Variants in ZFPM2 observed in about 807,000 individuals in gnomAD.
ZFPM2 encodes zinc finger protein ZFPM2.
Under a neutral mutation model 98.6 loss-of-function variants are expected in ZFPM2, and 20 were observed. That is an observed-to-expected ratio of 0.20 (90% confidence interval 0.14 to 0.29). ZFPM2 has a LOEUF of 0.29. Ranked by LOEUF, ZFPM2 falls within the 10% of genes least tolerant of loss-of-function variation. The pLI, the probability that ZFPM2 is intolerant of heterozygous loss-of-function variation, is 1.00. For missense variants in ZFPM2, 1,310 were observed against 1,388.6 expected (o/e 0.94, Z 0.90); for synonymous variants, 518 against 502.7 (o/e 1.03, Z -0.41).
chr8:105,785,655 G>A (rs1018053486), intron 5 of ZFPM2, among the ~76,000 whole-genome samples: 2 of 151,792 alleles, frequency 1.3e-5, no homozygotes, highest in African/African-American at 2.4e-5. Flanking sequence ...TGCAATCCCA[G>A]CACTTTGGGA....
intron 5 of ZFPM2, among the ~76,000 whole-genome samples, chr8:105,681,759 A>G (rs1454348451): frequency 1.3e-5 from 2 of 152,144 alleles, no homozygotes; most frequent in Non-Finnish European, 2.9e-5. Flanking sequence ...ATAAATTACT[A>G]TGGTCCAAAG....
At chr8:105,795,248 G>GTT (rs1813760503) in intron 6 of ZFPM2, among the ~76,000 whole-genome samples, 1 of 131,702 alleles carries the variant, frequency 7.6e-6, no homozygotes, top group Non-Finnish European at 1.6e-5. Context: ...TTTTATCTTT[G>GTT]TGTGTGTGTG....
At chr8:105,687,660 A>G in intron 5 of ZFPM2, among the ~76,000 whole-genome samples, 1 of 152,178 alleles carries the variant, frequency 6.6e-6, no homozygotes, top group East Asian at 1.9e-4. Flanking sequence ...TTTAGAATAC[A>G]TAAATCAAAT....
chr8:105,697,680 A>C (rs1486274671), intron 5 of ZFPM2, among the ~76,000 whole-genome samples: 1 of 152,178 alleles, frequency 6.6e-6, no homozygotes, highest in Non-Finnish European at 1.5e-5. Flanking sequence ...CACATGAAAA[A>C]ATTAGATATA....
chr8:105,773,093 CTCT>C (rs1320590435), intron 5 of ZFPM2, among the ~76,000 whole-genome samples: 1 of 152,188 alleles, frequency 6.6e-6, no homozygotes. Flanking sequence ...AGCCCACATT[CTCT>C]TTTCTTCTGG....
intron 3 of ZFPM2, among the ~76,000 whole-genome samples, chr8:105,544,134 A>G (rs1814639910): frequency 6.6e-6 from 1 of 152,188 alleles, no homozygotes; most frequent in South Asian, 2.1e-4. Context: ...AAAATGCTGA[A>G]ATAAAATAAA....
At chr8:105,708,741 G>A (rs1454986387) in intron 5 of ZFPM2, among the ~76,000 whole-genome samples, 6 of 152,152 alleles carry the variant, frequency 3.9e-5, no homozygotes, top group Non-Finnish European at 8.8e-5. Flanking sequence ...ACCGTGCCTG[G>A]CCTATTATTA....
At chr8:105,630,027 AATAGGC>A (rs1401142048) in intron 4 of ZFPM2, among the ~76,000 whole-genome samples, 4 of 152,158 alleles carry the variant, frequency 2.6e-5, no homozygotes, top group African/African-American at 9.7e-5. Context: ...GGGTTTAGGA[AATAGGC>A]ATCTTTGGGA....
At chr8:105,598,970 T>G (rs1256346283) in intron 4 of ZFPM2, among the ~76,000 whole-genome samples, 1 of 152,188 alleles carries the variant, frequency 6.6e-6, no homozygotes, top group Non-Finnish European at 1.5e-5. Flanking sequence ...TTCTGCTAAT[T>G]GATTAAATGA....
chr8:105,530,836 A>G (rs1361587567), intron 3 of ZFPM2, among the ~76,000 whole-genome samples: 5 of 152,148 alleles, frequency 3.3e-5, no homozygotes, highest in African/African-American at 7.2e-5. Context: ...AAGATGCTGG[A>G]CTAGGTAGTG....
At chr8:105,596,670 A>G (rs971990652) in intron 4 of ZFPM2, among the ~76,000 whole-genome samples, 77 of 150,406 alleles carry the variant, frequency 5.1e-4, no homozygotes, top group Middle Eastern at 3.5e-3. Context: ...AATTTAACCA[A>G]TTTCTAGTCA....
Position 105,803,876 on chromosome 8 carries a change from A to G in ZFPM2, c.*338A>G. Reference sequence around the variant, plus strand: ...CACTGTATAGTAGCTTTTAAAGAAAATAGTCACAATACAGAAAAGCATTTT... The same window carrying G: ...CACTGTATAGTAGCTTTTAAAGAAAGTAGTCACAATACAGAAAAGCATTTT... On this transcript the variant is annotated 3_prime_UTR_variant, in exon 8 of 8. Transcript: ENST00000407775. The G allele has an allele frequency of 5.6e-6, 1 of 179,936 alleles. No homozygotes were observed. The highest frequency in any genetic ancestry group is 1.1e-5 in the Non-Finnish European group (1 of 87,926). The allele number at this position is 179,936 out of a possible 1,614,324, so 11.1% of individuals were successfully genotyped here.
At chr8:105,670,444 C>A (rs940870369) in intron 5 of ZFPM2, among the ~76,000 whole-genome samples, 7 of 134,008 alleles carry the variant, frequency 5.2e-5, no homozygotes, top group African/African-American at 2.0e-4. Context: ...TGCAGTGAGC[C>A]GAGATCGTGC....
At chr8:105,403,303 C>T (rs546037604) in intron 1 of ZFPM2, among the ~76,000 whole-genome samples, 2 of 152,002 alleles carry the variant, frequency 1.3e-5, no homozygotes, top group Non-Finnish European at 2.9e-5. Flanking sequence ...CTCTATAATC[C>T]GTCTTCCCTG....
chr8:105,571,124 G>A (rs141618987), intron 4 of ZFPM2, among the ~76,000 whole-genome samples: 152 of 152,294 alleles, frequency 1.0e-3, no homozygotes, highest in Non-Finnish European at 1.6e-3. Context: ...ACAGAGGATC[G>A]GTGTGAAGGA....
intron 1 of ZFPM2, among the ~76,000 whole-genome samples, chr8:105,377,612 A>G (rs1480431742): frequency 2.1e-5 from 3 of 143,998 alleles, no homozygotes. Flanking sequence ...AAATCCAAAA[A>G]AAAAAAAAAA....
intron 4 of ZFPM2, among the ~76,000 whole-genome samples, chr8:105,584,102 T>C (rs2130749005): frequency 6.6e-6 from 1 of 152,270 alleles, no homozygotes; most frequent in East Asian, 1.9e-4. Context: ...TAGTCTTTTT[T>C]TTGGCAGCTG....
intron 5 of ZFPM2, among the ~76,000 whole-genome samples, chr8:105,701,847 C>G (rs1245093974): frequency 6.6e-6 from 1 of 152,142 alleles, no homozygotes. Context: ...TTCGTTTAAG[C>G]ATAAACAAAT....
chr8:105,493,813 A>G (rs1042114352), intron 3 of ZFPM2, among the ~76,000 whole-genome samples: 1 of 152,108 alleles, frequency 6.6e-6, no homozygotes, highest in African/African-American at 2.4e-5. Flanking sequence ...AGCAAGCCTT[A>G]TAAAAAGTAT....
Sources: allele counts gnomAD v4.1 joint callset (sites outside exome capture counted in the v4.1 genomes callset), GRCh38; gene constraint gnomAD v4.1.1; transcripts MANE v1.5; gene names NCBI Gene and HGNC (gene_info 2026-07-23, HGNC 2026-07-21).